The following CRISP3 variants were observed in gnomAD, a reference collection of about 807,000 sequenced individuals.
CRISP3 encodes cysteine rich secretory protein 3, also known as cysteine-rich secretory protein 3.
A neutral mutation model predicts 36.1 loss-of-function variants in CRISP3; 33 were observed. The observed-to-expected ratio is 0.91, with a 90% CI of 0.69 to 1.22. The LOEUF (loss-of-function observed/expected upper bound fraction) is 1.22, where lower values mean the gene tolerates loss of function less well. CRISP3 is among the 50% of genes most tolerant of loss of function. The probability of loss-of-function intolerance (pLI) is 0.00; values close to 1 mark genes in which losing one functional copy is unlikely to be tolerated. For synonymous variants in CRISP3, 117 were observed against 104.6 expected (o/e 1.12, Z -0.72); for missense variants, 330 against 301.2 (o/e 1.10, Z -0.71).
chr6:49,730,924 C>T lies in CRISP3; in HGVS notation c.649+239G>A, dbSNP rs571822091. ...AGGTGTGGTGGCACGTGCCTGTAGT[C>T]CCAGCTACTCAGGAGGCTGAGGCAC... On this transcript the variant is annotated intron_variant, in intron 7 of 7. Coordinates refer to ENST00000263045, the MANE Select transcript of CRISP3 (RefSeq NM_006061.4). Among the ~76,000 whole-genome samples, 15 of 152,292 alleles carry T rather than the reference C, an allele frequency of 9.8e-5. No individual in the cohort carries two copies. The South Asian group carries it at 3.1e-3, about 32-fold the overall frequency.
intron 1 of CRISP3, among the ~76,000 whole-genome samples, chr6:49,741,135 AAC>A (rs777501763): frequency 0.025 from 2,267 of 92,320 alleles, 63 homozygotes; most frequent in African/African-American, 0.083. Context: ...AAAAAAAACA[AAC>A]AAAAAAAAAC....
At chr6:49,744,239 G>A (rs1034941950) in intron 1 of CRISP3, 92 bp downstream of exon 1, 12 of 871,626 alleles carry the variant, frequency 1.4e-5, no homozygotes, top group Admixed American at 6.0e-5. Flanking sequence ...TAAAATATAC[G>A]AATATATCAC....
intron 3 of CRISP3, 50 bp downstream of exon 3, chr6:49,736,341 T>C: frequency 8.3e-7 from 1 of 1,198,040 alleles, no homozygotes; most frequent in Non-Finnish European, 1.2e-6. Context: ...AGCCGCCTAC[T>C]CCTTCCACAG....
chr6:49,735,336 A>T (rs1018154068), intron 4 of CRISP3, among the ~76,000 whole-genome samples, 168 bp downstream of exon 4: 1 of 152,182 alleles, frequency 6.6e-6, no homozygotes, highest in Non-Finnish European at 1.5e-5. Context: ...TAAAACAGTA[A>T]GCACAGATGG....
At chr6:49,732,279 A>T (rs1768932857) in intron 6 of CRISP3, among the ~76,000 whole-genome samples, 1 of 152,196 alleles carries the variant, frequency 6.6e-6, no homozygotes, top group Non-Finnish European at 1.5e-5. Flanking sequence ...TTCTGTATTA[A>T]CAATGATAAT....
intron 2 of CRISP3, 36 bp from the exon 3 acceptor site, chr6:49,736,543 T>C (rs778486505): frequency 1.4e-6 from 2 of 1,407,890 alleles, no homozygotes; most frequent in Non-Finnish European, 2.0e-6. Flanking sequence ...TCTTTTAACA[T>C]TGTTGGAAAT....
Position 49,740,146 on chromosome 6 carries a change from C to T in CRISP3, c.38-2748G>A, listed in dbSNP as rs78910173. ...TACAATTAAACTGTAACATACTGTG[C>T]CTTCTTCACACTGATGTTAGGACCA... On this transcript the variant is annotated intron_variant, in intron 1 of 7. Transcript: ENST00000263045. 1.3e-3 allele frequency among the ~76,000 whole-genome samples: 195 copies of T among 152,234 alleles called. 1 individual carries two copies. The East Asian group carries it at 0.021, about 16-fold the overall frequency.
chr6:49,731,100 C>A, intron 7 of CRISP3, 63 bp downstream of exon 7: 1 of 1,234,886 alleles, frequency 8.1e-7, no homozygotes, highest in Non-Finnish European at 1.2e-6. Flanking sequence ...TCAGATTTCC[C>A]AATTCTTAGA....
In CRISP3 at chr6:49,728,687, C is replaced by A; in HGVS notation, c.*43G>T. On this transcript the variant is annotated 3_prime_UTR_variant, in exon 8 of 8. Transcript: ENST00000263045. The stretch of plus-strand genomic sequence containing the variant: ...TAGATGCCAAATCTAAGTAGATAAT[C>A]TGACTCCTCTCTACATAGCCCTACT... 6.6e-7 allele frequency: 1 copy of A among 1,507,910 alleles called. No homozygotes were observed. The highest frequency in any genetic ancestry group is 8.9e-7 in the Non-Finnish European group (1 of 1,122,786). The allele number at this position is 1,507,910 out of a possible 1,614,324, so 93.4% of individuals were successfully genotyped here. A position where few individuals can be genotyped will look rare whatever the true frequency, so the allele number is the denominator to read the frequency against.
intron 7 of CRISP3, 36 bp from the exon 8 acceptor site, chr6:49,728,893 T>C: frequency 6.3e-7 from 1 of 1,583,414 alleles, no homozygotes; most frequent in Non-Finnish European, 8.6e-7. Context: ...CACTTCATTA[T>C]CATTTTCTTT....
chr6:49,736,278 A>G lies in CRISP3; in HGVS notation c.228+113T>C, dbSNP rs1769048767. 6.9e-6 allele frequency: 5 copies of G among 724,830 alleles called. No homozygotes were observed. The East Asian group carries it at 1.3e-4, about 18-fold the overall frequency. 44.9% of individuals were successfully genotyped at this position (724,830 alleles called of 1,614,324 possible). On this transcript the variant is annotated intron_variant, in intron 3 of 7. Coordinates refer to ENST00000263045, the MANE Select transcript of CRISP3 (RefSeq NM_006061.4). ...ATTACACAGCTCAAATGAAACAAAA[A>G]AATACAGAGAGAACTTTGTAAACTT...
intron 3 of CRISP3, 80 bp from the exon 4 acceptor site, chr6:49,735,671 G>A (rs746398755): frequency 1.4e-5 from 14 of 1,004,374 alleles, no homozygotes; most frequent in Non-Finnish European, 1.9e-5. Context: ...CAGGTTATAG[G>A]TTGATTTACA....
chr6:49,730,841 A>G (rs1444290175), intron 7 of CRISP3, among the ~76,000 whole-genome samples: 1 of 152,176 alleles, frequency 6.6e-6, no homozygotes, highest in Non-Finnish European at 1.5e-5. Flanking sequence ...CAGAAGTTCG[A>G]GACCAGTGTG....
rs758632302 is a variant in CRISP3, at chr6:49,728,765, T to G, written c.742A>C (p.Lys248Gln). 1 of 1,611,980 alleles carries G rather than the reference T, an allele frequency of 6.2e-7. No individual in the cohort carries two copies. Among genetic ancestry groups the G allele is most frequent in the African/African-American group, 1.3e-5 (1 of 74,890 alleles). Residue 248 changes from lysine to glutamine, a missense_variant, in exon 8 of 8, where the codon AAG becomes CAG. Transcript: ENST00000263045. ...CTGTTTGAACAATTGCAGGAGGCCT[T>G]GCAACTGTCCCTGACCAACTGATGT... is the stretch of plus-strand genomic sequence containing the variant. ...CKHQLVRDSC[K>Q]ASCNCSNSIY
chr6:49,732,990 G>T (rs1023554161), intron 6 of CRISP3, among the ~76,000 whole-genome samples: 2 of 152,160 alleles, frequency 1.3e-5, no homozygotes, highest in Non-Finnish European at 2.9e-5. Context: ...CATGAGGAAA[G>T]ACAGCTCCCT....
intron 3 of CRISP3, 30 bp from the exon 4 acceptor site, chr6:49,735,621 C>T: frequency 6.5e-7 from 1 of 1,541,808 alleles, no homozygotes; most frequent in Non-Finnish European, 8.9e-7. Context: ...AAGATATCCA[C>T]TTAATGTCTC....
chr6:49,736,509 T>C lies in CRISP3; in HGVS notation c.112-2A>G, dbSNP rs140604191. ...TAACAAAGCAGTAAAAGCGGGATCC[T>C]AAGGGAAAATAAAATTACAATTATC... On this transcript the variant is annotated splice_acceptor_variant, in intron 2 of 7. Coordinates refer to ENST00000263045, the MANE Select transcript of CRISP3 (RefSeq NM_006061.4). LOFTEE classifies it high-confidence loss of function. 252 of 1,582,110 alleles carry C rather than the reference T, an allele frequency of 1.6e-4. No individual in the cohort carries two copies. The highest frequency in any genetic ancestry group is 5.0e-4 in the Middle Eastern group (3 of 6,010).
rs755357254 is a variant in CRISP3, at chr6:49,736,408, T to C, written c.211A>G (p.Arg71Gly). 1.3e-5 allele frequency: 21 copies of C among 1,611,088 alleles called. No homozygotes were observed. Among genetic ancestry groups the C allele is most frequent in the Middle Eastern group, 1.6e-4 (1 of 6,078 alleles). ...ELRRAVSPPA[R>G]NMLKMEWNKE... ...CCTCTTACCATCTTCAGCATGTTTC[T>C]GGCAGGGGGAGATACTGCTCTCCTC... Residue 71 changes from arginine to glycine, a missense_variant, in exon 3 of 8, where the codon AGA becomes GGA. By Grantham distance (125) the Arg-to-Gly change is moderately radical. Transcript: ENST00000263045.
chr6:49,737,062 C>T (rs897305964), intron 2 of CRISP3, among the ~76,000 whole-genome samples: 2 of 152,052 alleles, frequency 1.3e-5, no homozygotes, highest in Admixed American at 6.6e-5. Context: ...AGTTTTACCA[C>T]ATTAAAAAAA....
Sources: allele counts gnomAD v4.1 joint callset (sites outside exome capture counted in the v4.1 genomes callset), GRCh38; gene constraint gnomAD v4.1.1; transcripts MANE v1.5; gene names NCBI Gene and HGNC (gene_info 2026-07-23, HGNC 2026-07-21).